Variants in PODNL1 observed in about 807,000 individuals in gnomAD.
PODNL1 encodes the protein podocan-like protein 1.
A neutral mutation model predicts 45.1 loss-of-function variants in PODNL1; 50 were observed. That is an observed-to-expected ratio of 1.11 (90% CI 0.88 to 1.40). The LOEUF (loss-of-function observed/expected upper bound fraction) is 1.40. Ranked by LOEUF, PODNL1 falls within the 40% of genes most tolerant of loss-of-function variation. The probability of loss-of-function intolerance (pLI) is 0.00; values close to 1 mark genes in which losing one functional copy is unlikely to be tolerated. For synonymous variants in PODNL1, 406 were observed against 372.5 expected (o/e 1.09, Z -1.04); for missense variants, 788 against 793.3 (o/e 0.99, Z 0.08).
chr19:13,951,496 G>A (rs865908051), intron 1 of PODNL1, among the ~76,000 whole-genome samples: 1 of 152,184 alleles, frequency 6.6e-6, no homozygotes, highest in Middle Eastern at 3.4e-3. Context: ...AATTAGGCCG[G>A]GCGCGGTGGC....
At chr19:13,936,487 C>A in intron 2 of PODNL1, 27 bp from the exon 3 acceptor site, 2 of 1,578,598 alleles carry the variant, frequency 1.3e-6, no homozygotes, top group Non-Finnish European at 1.7e-6. Flanking sequence ...GGGGTGTTCA[C>A]ACCCGTGACC....
At position 13,933,372 on chromosome 19, in the gene PODNL1, A is replaced by G. The variant is rs781430307; in HGVS notation, c.851T>C (p.Ile284Thr). ...GATGCGGTTGCGGCCCAGGTGCAGG[A>G]TAGCCAGGGTCCGGGGCAGGCCGGC... Reference protein sequence around the residue: ...VPAGLPRTLAILHLGRNRIRQ... With the variant: ...VPAGLPRTLATLHLGRNRIRQ... Residue 284 changes from isoleucine to threonine, a missense_variant, in exon 8 of 10, where the codon ATC becomes ACC. Coordinates refer to ENST00000588872, the MANE Select transcript of PODNL1 (RefSeq NM_001370095.3). This position sits in a 1 kb window ranked among gnomAD's most constrained non-coding sequence, Gnocchi z 5.2. 5 of 1,608,328 alleles carry G rather than the reference A, an allele frequency of 3.1e-6. No homozygotes were observed. The highest frequency in any genetic ancestry group is 1.7e-4 in the Middle Eastern group (1 of 6,054).
chr19:13,952,148 G>A (rs556547377), intron 1 of PODNL1, among the ~76,000 whole-genome samples: 2 of 152,328 alleles, frequency 1.3e-5, no homozygotes, highest in African/African-American at 4.8e-5. Flanking sequence ...ACAGGCTCCC[G>A]TCGCCCCGCC....
At chr19:13,945,669 T>C (rs532425824) in intron 1 of PODNL1, among the ~76,000 whole-genome samples, 1 of 152,010 alleles carries the variant, frequency 6.6e-6, no homozygotes, top group African/African-American at 2.4e-5. Flanking sequence ...GTATTTTTAG[T>C]AGAGACACGG....
In PODNL1 at chr19:13,934,429, C is replaced by T. The variant is rs1272706489; in HGVS notation, c.495-19G>A. The stretch of plus-strand genomic sequence containing the variant: ...CACGGACCTGAGGAGAGCCAGGCTC[C>T]GGCCACCAGCCTGCCCCTCGCCTCC... On this transcript the variant is annotated intron_variant, in intron 5 of 9. Coordinates refer to ENST00000588872, the MANE Select transcript of PODNL1 (RefSeq NM_001370095.3). 9.4e-6 allele frequency: 14 copies of T among 1,482,788 alleles called. No individual in the cohort carries two copies. The highest frequency in any genetic ancestry group is 2.5e-5 in the East Asian group (1 of 39,548). 91.9% of individuals were successfully genotyped at this position (1,482,788 alleles called of 1,614,324 possible).
At chr19:13,935,173 C>T (rs1972258266) in intron 5 of PODNL1, among the ~76,000 whole-genome samples, 1 of 151,920 alleles carries the variant, frequency 6.6e-6, no homozygotes, top group Non-Finnish European at 1.5e-5. Context: ...CCTGCACATA[C>T]TGTCTCCACC....
In PODNL1 at chr19:13,933,392, G is replaced by A; in HGVS notation, c.831C>T (p.Gly277=). The A allele has an allele frequency of 1.2e-6, 2 of 1,605,332 alleles. No homozygotes were observed. Among genetic ancestry groups the A allele is most frequent in the Non-Finnish European group, 1.7e-6 (2 of 1,177,934 alleles). ...SHNQLTTVPA[G]LPRTLAILHL... ...GCAGGATAGCCAGGGTCCGGGGCAG[G>A]CCGGCGGGCACTGTGGTCAGCTGGT... The change falls in exon 8 of 10, where the codon GGC becomes GGT. Residue 277 remains glycine, a synonymous_variant. Transcript: ENST00000588872. This position sits in a 1 kb window ranked among gnomAD's most constrained non-coding sequence, Gnocchi z 5.2.
At chr19:13,941,757 G>C (rs1489002757), upstream of PODNL1, among the ~76,000 whole-genome samples, 1 of 152,146 alleles carries the variant, frequency 6.6e-6, no homozygotes, top group Non-Finnish European at 1.5e-5. Context: ...AGGTTGCAGT[G>C]AGCCGAGATT....
intron 1 of PODNL1, among the ~76,000 whole-genome samples, chr19:13,948,434 G>A (rs1316653082): frequency 1.4e-5 from 2 of 146,160 alleles, no homozygotes; most frequent in Admixed American, 6.9e-5. Context: ...GGATGGTCTC[G>A]ATCTCCTGAC....
At chr19:13,949,793 G>C (rs763903460) in intron 1 of PODNL1, among the ~76,000 whole-genome samples, 5 of 151,880 alleles carry the variant, frequency 3.3e-5, no homozygotes, top group Non-Finnish European at 5.9e-5. Context: ...TCCAGGGCTC[G>C]GGTGATCCTC....
intron 1 of PODNL1, among the ~76,000 whole-genome samples, chr19:13,950,059 G>A (rs371610967): frequency 2.2e-4 from 33 of 149,250 alleles, no homozygotes; most frequent in East Asian, 8.0e-4. Context: ...TAGTAGAGAC[G>A]GGGTTTCACT....
chr19:13,950,922 G>C (rs1972987361), intron 1 of PODNL1, among the ~76,000 whole-genome samples: 1 of 151,964 alleles, frequency 6.6e-6, no homozygotes, highest in Admixed American at 6.6e-5. Context: ...GCACATGCCT[G>C]TAATCCCAGC....
intron 3 of PODNL1, 86 bp downstream of exon 3, chr19:13,936,281 G>T (rs1383154476): frequency 1.5e-6 from 2 of 1,319,914 alleles, no homozygotes; most frequent in Non-Finnish European, 2.2e-6. Flanking sequence ...AGAGCTGCCC[G>T]CAGATGGGGC....
chr19:13,938,523 C>CGTCCTGT, upstream of PODNL1: 1 of 1,118,676 alleles, frequency 8.9e-7, no homozygotes, highest in Non-Finnish European at 1.1e-6. Context: ...AGCTGAGATT[C>CGTCCTGT]GTCCTGTCTG....
intron 1 of PODNL1, among the ~76,000 whole-genome samples, chr19:13,951,399 G>A (rs1218196661): frequency 6.6e-6 from 1 of 152,196 alleles, no homozygotes; most frequent in African/African-American, 2.4e-5. Context: ...ACTTTGGGAA[G>A]CAGAGGTGGG....
chr19:13,933,603 G>T lies in PODNL1; in HGVS notation c.768-148C>A. Reference sequence around the variant, plus strand: ...GATGCGTGGAGAGAGCTGGGTGGGAGGTAAACTTGGGGTGCCCAGGGCAGA... The same window carrying T: ...GATGCGTGGAGAGAGCTGGGTGGGATGTAAACTTGGGGTGCCCAGGGCAGA... On this transcript the variant is annotated intron_variant, in intron 7 of 9. Coordinates refer to ENST00000588872, the MANE Select transcript of PODNL1 (RefSeq NM_001370095.3). The surrounding 1 kb of genome is among the most constrained non-coding windows in gnomAD (Gnocchi z 5.2). 2.1e-6 allele frequency: 2 copies of T among 953,070 alleles called. No homozygotes were observed. The highest frequency in any genetic ancestry group is 3.0e-6 in the Non-Finnish European group (2 of 658,258). 59.0% of individuals were successfully genotyped at this position (953,070 alleles called of 1,614,324 possible).
chr19:13,943,006 A>C (rs1972703059), upstream of PODNL1, among the ~76,000 whole-genome samples: 1 of 151,408 alleles, frequency 6.6e-6, no homozygotes, highest in Non-Finnish European at 1.5e-5. Context: ...CTCTAAAAAA[A>C]GACAGAAAGG....
intron 1 of PODNL1, among the ~76,000 whole-genome samples, chr19:13,950,546 G>C (rs1207000510): frequency 6.6e-6 from 1 of 152,186 alleles, no homozygotes; most frequent in Non-Finnish European, 1.5e-5. Flanking sequence ...TGAGGTTCTA[G>C]GTTTGGGGAT....
chr19:13,935,730 G>A lies in PODNL1; in HGVS notation c.485C>T (p.Pro162Leu), dbSNP rs370226496. 2.2e-5 allele frequency: 34 copies of A among 1,567,472 alleles called. No individual in the cohort carries two copies. Among genetic ancestry groups the A allele is most frequent in the African/African-American group, 2.1e-4 (15 of 72,624 alleles). ...EIFPLTFGEK[P>L]ALRSVYLHNN... ...CTGGGCCAGGGTCTACCTGAGTGCC[G>A]GCTTCTCCCCAAAGGTGAGGGGGAA... Residue 162 changes from proline (P) to leucine (L), a missense_variant, in exon 5 of 10, where the codon CCG becomes CTG. Transcript: ENST00000588872.
Sources: allele counts gnomAD v4.1 joint callset (sites outside exome capture counted in the v4.1 genomes callset), GRCh38; gene constraint gnomAD v4.1.1; non-coding constraint Gnocchi (gnomAD v3.1); transcripts MANE v1.5; gene names NCBI Gene and HGNC (gene_info 2026-07-23, HGNC 2026-07-21).